The following S100A13 variants were observed in gnomAD, a reference collection of about 807,000 sequenced individuals.
S100A13 encodes protein S100-A13.
In S100A13, 6 loss-of-function variants were observed where a neutral mutation model predicts 8.2. The observed-to-expected ratio is 0.73, with a 90% CI of 0.40 to 1.44. S100A13 has a LOEUF of 1.44. Ranked by LOEUF, S100A13 falls within the 40% of genes most tolerant of loss-of-function variation. The pLI, the probability that S100A13 is intolerant of heterozygous loss-of-function variation, is 0.02. For missense variants in S100A13, 114 were observed against 113.6 expected (o/e 1.00, Z -0.02); for synonymous variants, 39 against 45.9 (o/e 0.85, Z 0.61).
chr1:153,631,450 G>A (rs951837362), upstream of S100A13: 3 of 1,567,590 alleles, frequency 1.9e-6, no homozygotes, highest in Admixed American at 1.9e-5. Context: ...CTAGTGTAGT[G>A]CTTGCTTTAT....
intron 2 of S100A13, among the ~76,000 whole-genome samples, chr1:153,623,322 A>C (rs1212596255): frequency 1.3e-5 from 2 of 151,816 alleles, no homozygotes; most frequent in Non-Finnish European, 2.9e-5. Context: ...TTTGCATAAC[A>C]GAAGACTGCT....
At position 153,618,859 on chromosome 1, in the gene S100A13, G is replaced by T. The variant is rs972141962; in HGVS notation, c.*36C>A. On this transcript the variant is annotated 3_prime_UTR_variant, in exon 3 of 3. Transcript: ENST00000476133. ...GTGCGGTTCTGCTCGGCCCTGATCA[G>T]CTCTGCCCTGCCCACCCCATCTCAG... 3.7e-6 allele frequency: 6 copies of T among 1,609,816 alleles called. No individual in the cohort carries two copies. Among genetic ancestry groups the T allele is most frequent in the Non-Finnish European group, 5.1e-6 (6 of 1,177,036 alleles).
At chr1:153,630,717 G>A (rs919266535), upstream of S100A13, 3 of 1,595,522 alleles carry the variant, frequency 1.9e-6, no homozygotes, top group African/African-American at 2.7e-5. Flanking sequence ...GGGGAATGGG[G>A]TGGACACCCC....
chr1:153,623,338 C>T (rs190723184), intron 2 of S100A13, among the ~76,000 whole-genome samples: 13 of 150,608 alleles, frequency 8.6e-5, no homozygotes, highest in Admixed American at 7.9e-4. Context: ...CTGCTGATTT[C>T]GGGGAGGGAG....
chr1:153,627,448 T>G (rs1667733742), intron 1 of S100A13, 35 bp downstream of exon 1: 2 of 152,274 alleles, frequency 1.3e-5, no homozygotes, highest in Non-Finnish European at 2.9e-5. Context: ...AAAAATGATC[T>G]CCAGCCTCCC....
At chr1:153,627,881 G>A (rs908450626), upstream of S100A13, 7 of 729,854 alleles carry the variant, frequency 9.6e-6, no homozygotes, top group Admixed American at 3.0e-5. Context: ...ACACACAGAG[G>A]CCCCTTGGAA....
At chr1:153,631,728 G>A, upstream of S100A13, 1 of 1,614,184 alleles carries the variant, frequency 6.2e-7, no homozygotes, top group East Asian at 2.2e-5. Context: ...TGTGGACAAG[G>A]TGATGAAGGA....
chr1:153,631,444 T>G, upstream of S100A13: 1 of 1,559,660 alleles, frequency 6.4e-7, no homozygotes, highest in East Asian at 2.4e-5. Context: ...AAGCTCCTAG[T>G]GTAGTGCTTG....
Position 153,618,965 on chromosome 1 carries a change from T to C in S100A13, c.227A>G (p.Tyr76Cys). ...GGCCAGCTCCCCAATCAATCTCCAG[T>C]ACTCATTGAACTTGAGCTCCGAGTC... The part of the protein sequence containing the change: ...NQDSELKFNE[Y>C]WRLIGELAKE... Residue 76 changes from tyrosine to cysteine, a missense_variant, in exon 3 of 3, where the codon TAC becomes TGC. Tyr to Cys is a radical substitution (Grantham distance 194). Transcript: ENST00000476133. The C allele has an allele frequency of 6.2e-7, 1 of 1,613,782 alleles. No homozygotes were observed. Among genetic ancestry groups the C allele is most frequent in the Non-Finnish European group, 8.5e-7 (1 of 1,179,734 alleles).
upstream of S100A13, chr1:153,631,801 TCA>T (rs1307901988): frequency 9.3e-6 from 15 of 1,614,078 alleles, no homozygotes; most frequent in Admixed American, 3.3e-5. Context: ...GTGGCTGCTC[TCA>T]CAGTGGCCTG....
rs1667647070 is a variant in S100A13, at chr1:153,626,538, G to A, written c.-61-5C>T. On this transcript the variant is annotated splice_region_variant and splice_polypyrimidine_tract_variant and intron_variant, in intron 1 of 2. Coordinates refer to ENST00000476133, the MANE Select transcript of S100A13 (RefSeq NM_001024211.2). ...CTGACCTTTGTCAGGGCTGACCTGTGGAAGAGAGAAGGAGCAGAGAGGGAG... is the reference window on the plus strand; with the variant it reads ...CTGACCTTTGTCAGGGCTGACCTGTAGAAGAGAGAAGGAGCAGAGAGGGAG... 6.5e-7 allele frequency: 1 copy of A among 1,545,578 alleles called. No individual in the cohort carries two copies. The highest frequency in any genetic ancestry group is 8.9e-7 in the Non-Finnish European group (1 of 1,125,212).
At chr1:153,630,724 C>T (rs930598764), upstream of S100A13, 5 of 1,581,292 alleles carry the variant, frequency 3.2e-6, no homozygotes, top group African/African-American at 6.7e-5. Flanking sequence ...GGGGTGGACA[C>T]CCCCTTGCTA....
upstream of S100A13, chr1:153,629,609 A>T (rs1253462964): frequency 6.6e-6 from 1 of 152,410 alleles, no homozygotes; most frequent in Non-Finnish European, 1.5e-5. Context: ...CCTTGAACTC[A>T]AAGGACCGCA....
chr1:153,624,737 G>C (rs1667496491), intron 2 of S100A13, among the ~76,000 whole-genome samples: 1 of 152,124 alleles, frequency 6.6e-6, no homozygotes, highest in South Asian at 2.1e-4. Context: ...CCTAGAGTTT[G>C]AGACCAGCTT....
upstream of S100A13, among the ~76,000 whole-genome samples, chr1:153,632,445 G>T (rs1668075892): frequency 6.6e-6 from 1 of 151,658 alleles, no homozygotes; most frequent in African/African-American, 2.4e-5. Context: ...CTAATTTTTT[G>T]TATTTTTAGT....
intron 2 of S100A13, among the ~76,000 whole-genome samples, chr1:153,623,731 A>C (rs2101580405): frequency 6.6e-6 from 1 of 152,312 alleles, no homozygotes; most frequent in East Asian, 1.9e-4. Flanking sequence ...CTGGTAAATG[A>C]ATCAACCAGG....
upstream of S100A13, chr1:153,628,481 C>G (rs1176824488): frequency 2.6e-6 from 4 of 1,550,748 alleles, no homozygotes; most frequent in Non-Finnish European, 3.5e-6. Context: ...GCTCCCACCT[C>G]AGGCCCAGGC....
At chr1:153,621,708 A>G (rs1667265735) in intron 2 of S100A13, among the ~76,000 whole-genome samples, 1 of 151,540 alleles carries the variant, frequency 6.6e-6, no homozygotes. Flanking sequence ...AAAGAAAGAA[A>G]GAAACCCCAT....
At chr1:153,622,112 G>A (rs192767135) in intron 2 of S100A13, among the ~76,000 whole-genome samples, 74 of 150,086 alleles carry the variant, frequency 4.9e-4, no homozygotes, top group Admixed American at 4.6e-3. Context: ...GCTCACCCCT[G>A]TAATCCCAGC....
Sources: gnomAD v4.1 joint callset for allele counts (sites outside exome capture counted in the v4.1 genomes callset) on GRCh38, gnomAD v4.1.1 for gene constraint, MANE v1.5 for transcripts, NCBI Gene and HGNC (gene_info 2026-07-23, HGNC 2026-07-21) for gene names.